ENTREP2: variants seen among roughly 807,000 people sequenced by gnomAD.
ENTREP2 encodes endosomal transmembrane epsin interactor 2.
At chr15:29,160,121 G>C in the ENTREP2 span, among the ~76,000 whole-genome samples, 1 of 152,236 alleles carries the variant, frequency 6.6e-6, no homozygotes. Context: ...TGCTGGCCCA[G>C]GTGCTAAGCC....
chr15:29,143,208 CTGAA>C, the ENTREP2 span, among the ~76,000 whole-genome samples: 1 of 152,196 alleles, frequency 6.6e-6, no homozygotes, highest in Non-Finnish European at 1.5e-5. Context: ...TGCTGACTAA[CTGAA>C]TGAATGAATG....
At chr15:29,662,051 A>G in the ENTREP2 span, among the ~76,000 whole-genome samples, 1 of 151,916 alleles carries the variant, frequency 6.6e-6, no homozygotes, top group Non-Finnish European at 1.5e-5. Context: ...TCTCTACTAA[A>G]AATACAAAAA....
At chr15:29,382,332 C>G in the ENTREP2 span, among the ~76,000 whole-genome samples, 1 of 152,170 alleles carries the variant, frequency 6.6e-6, no homozygotes, top group Admixed American at 6.5e-5. Context: ...CACGGGCCAC[C>G]TGGCCACCTG....
chr15:29,362,367 CTT>C, the ENTREP2 span, among the ~76,000 whole-genome samples: 3 of 91,492 alleles, frequency 3.3e-5, no homozygotes, highest in African/African-American at 9.3e-5. Flanking sequence ...TGTTTTTAAT[CTT>C]TTTTTTTTTT....
At chr15:29,309,183 T>C in the ENTREP2 span, among the ~76,000 whole-genome samples, 3 of 152,206 alleles carry the variant, frequency 2.0e-5, no homozygotes, top group East Asian at 5.8e-4. Flanking sequence ...TATAATTGAA[T>C]GTATTATAAC....
chr15:29,126,358 C>T, the ENTREP2 span: 4 of 1,541,760 alleles, frequency 2.6e-6, no homozygotes, highest in Admixed American at 6.0e-5. Context: ...TGCCAGGATC[C>T]TCTGGAGACA....
chr15:29,362,707 G>A, the ENTREP2 span, among the ~76,000 whole-genome samples: 1 of 151,978 alleles, frequency 6.6e-6, no homozygotes, highest in Admixed American at 6.6e-5. Context: ...CTAGCTCGCT[G>A]TCACTTGCAA....
the ENTREP2 span, among the ~76,000 whole-genome samples, chr15:29,422,225 G>A: frequency 4.0e-5 from 6 of 151,860 alleles, no homozygotes; most frequent in Non-Finnish European, 8.8e-5. Flanking sequence ...AGCCGAGGTC[G>A]CGCCATTGCA....
At chr15:29,611,310 G>A in the ENTREP2 span, 7 of 151,912 alleles carry the variant, frequency 4.6e-5, no homozygotes, top group African/African-American at 1.5e-4. Context: ...TTCTTAGAGA[G>A]CTTGGGGAAA....
the ENTREP2 span, among the ~76,000 whole-genome samples, chr15:29,119,422 G>A: frequency 2.9e-4 from 4 of 13,752 alleles, no homozygotes; most frequent in African/African-American, 5.0e-4. Context: ...ACACAGGAAG[G>A]GGAATATCAC....
chr15:29,520,152 T>C, the ENTREP2 span, among the ~76,000 whole-genome samples: 1 of 152,180 alleles, frequency 6.6e-6, no homozygotes, highest in Non-Finnish European at 1.5e-5. Context: ...CCCTAACCCC[T>C]GCACTCTTTG....
the ENTREP2 span, among the ~76,000 whole-genome samples, chr15:29,332,139 A>G: frequency 6.6e-6 from 1 of 152,256 alleles, no homozygotes; most frequent in African/African-American, 2.4e-5. Flanking sequence ...TAAAATTTAC[A>G]CTAGTACCAG....
At chr15:29,301,142 CAGG>C in the ENTREP2 span, among the ~76,000 whole-genome samples, 1 of 152,136 alleles carries the variant, frequency 6.6e-6, no homozygotes, top group Admixed American at 6.6e-5. Flanking sequence ...AAAATATCAA[CAGG>C]AGTTTTTTGA....
chr15:29,453,229 T>C, the ENTREP2 span, among the ~76,000 whole-genome samples: 1 of 152,148 alleles, frequency 6.6e-6, no homozygotes, highest in Admixed American at 6.5e-5. Flanking sequence ...CACTTAAGCC[T>C]CAGAGGCCGG....
chr15:29,316,041 G>A, the ENTREP2 span, among the ~76,000 whole-genome samples: 1 of 152,096 alleles, frequency 6.6e-6, no homozygotes, highest in African/African-American at 2.4e-5. Context: ...GGACAGAAAT[G>A]ATAACTAGAA....
At chr15:29,127,201 C>T in the ENTREP2 span, among the ~76,000 whole-genome samples, 13 of 152,142 alleles carry the variant, frequency 8.5e-5, no homozygotes, top group Non-Finnish European at 1.3e-4. Flanking sequence ...AACCACTCTA[C>T]GGGGGCTGGA....
the ENTREP2 span, among the ~76,000 whole-genome samples, chr15:29,531,428 T>C: frequency 6.6e-6 from 1 of 152,002 alleles, no homozygotes; most frequent in African/African-American, 2.4e-5. Flanking sequence ...CAGGTCCCAC[T>C]CTGACAAGGG....
chr15:29,622,255 G>A, the ENTREP2 span, among the ~76,000 whole-genome samples: 2 of 152,120 alleles, frequency 1.3e-5, no homozygotes, highest in African/African-American at 4.8e-5. Flanking sequence ...TGCCCAGGCT[G>A]GGGGCAATGG....
the ENTREP2 span, among the ~76,000 whole-genome samples, chr15:29,630,193 C>T: frequency 4.6e-5 from 7 of 151,968 alleles, no homozygotes; most frequent in East Asian, 1.9e-4. Context: ...CCTTTGTCTG[C>T]GAATGTCTTT....
Sources: allele counts gnomAD v4.1 joint callset (sites outside exome capture counted in the v4.1 genomes callset), GRCh38; gene constraint gnomAD v4.1.1; transcripts MANE v1.5; gene names NCBI Gene and HGNC (gene_info 2026-07-23, HGNC 2026-07-21).